SKIDA1: variants seen among roughly 807,000 people sequenced by gnomAD.
SKIDA1 encodes the protein SKI/DACH domain containing 1, also known as SKI/DACH domain-containing protein 1.
Under a neutral mutation model 51.4 loss-of-function variants are expected in SKIDA1, and 18 were observed. The ratio of observed to expected loss-of-function variants is 0.35; its 90% CI spans 0.24 to 0.52. The LOEUF is 0.52. SKIDA1 is among the 20% of genes least tolerant of loss of function. The pLI is 0.95. For missense variants in SKIDA1, 1,104 were observed against 1,180.6 expected (o/e 0.94, Z 0.95); for synonymous variants, 579 against 500.5 (o/e 1.16, Z -2.09).
chr10:21,524,401 AT>A (rs1189267913), intron 1 of SKIDA1, among the ~76,000 whole-genome samples: 1 of 152,068 alleles, frequency 6.6e-6, no homozygotes, highest in Non-Finnish European at 1.5e-5. Flanking sequence ...CATATCTATT[AT>A]TTCTTGGCAA....
intron 1 of SKIDA1, among the ~76,000 whole-genome samples, chr10:21,524,519 C>T (rs2032573657): frequency 7.0e-6 from 1 of 141,846 alleles, no homozygotes; most frequent in Non-Finnish European, 1.5e-5. Context: ...GTTTAGAGCT[C>T]CAATACCCTC....
chr10:21,520,819 C>T (rs553100960), intron 3 of SKIDA1, among the ~76,000 whole-genome samples: 1 of 151,548 alleles, frequency 6.6e-6, no homozygotes, highest in Non-Finnish European at 1.5e-5. Context: ...TAACTAAGGG[C>T]ATAATCTGTT....
chr10:21,522,825 C>A (rs2032448008), intron 2 of SKIDA1, among the ~76,000 whole-genome samples: 2 of 152,170 alleles, frequency 1.3e-5, no homozygotes, highest in South Asian at 2.1e-4. Flanking sequence ...AATGCAGTGA[C>A]CTTCTACCCT....
rs768841628 is a variant in SKIDA1, at chr10:21,515,902, AATG to A, written c.1918_1920del (p.His640del). The A allele has an allele frequency of 1.2e-5, 19 of 1,614,014 alleles. No individual in the cohort carries two copies. The East Asian group carries it at 4.0e-4, about 34-fold the overall frequency. ...GGCAAATCCGTAGCAAATTCAGGAC[AATG>A]AAGGATTTTGGAATATTTTTCTGAA... On this transcript the variant is annotated inframe_deletion, in exon 4 of 4. Transcript: ENST00000449193.
chr10:21,516,533 G>GT lies in SKIDA1; in HGVS notation c.1289_1290insA (p.Ser431GlnfsTer8). On this transcript the variant is annotated frameshift_variant, in exon 4 of 4. Coordinates refer to ENST00000449193, the MANE Select transcript of SKIDA1 (RefSeq NM_207371.4). LOFTEE classifies it high-confidence loss of function. The surrounding 1 kb of genome is among the most constrained non-coding windows in gnomAD (Gnocchi z 5.7). ...CTTCACTGGAATCCGAGGCCCCGCT[G>GT]CCCCCCTCCTCCTCCTCTTCCTCCT... 1 of 1,346,806 alleles carries GT rather than the reference G, an allele frequency of 7.4e-7. No homozygotes were observed. The highest frequency in any genetic ancestry group is 2.4e-5 in the East Asian group (1 of 40,942). 83.4% of individuals were successfully genotyped at this position (1,346,806 alleles called of 1,614,324 possible).
chr10:21,524,311 T>C (rs2032553099), intron 1 of SKIDA1, among the ~76,000 whole-genome samples: 1 of 152,202 alleles, frequency 6.6e-6, no homozygotes, highest in African/African-American at 2.4e-5. Flanking sequence ...TAAATGCCGA[T>C]ACAAACCTGC....
At position 21,518,211 on chromosome 10, in the gene SKIDA1, G is replaced by A. The variant is rs1015409551; in HGVS notation, c.-389C>T. On this transcript the variant is annotated 5_prime_UTR_variant, in exon 4 of 4. Transcript: ENST00000449193. Reference sequence around the variant, plus strand: ...TGATAATGGAATGTGAAGGGAGAAAGAGAAAAGAAATGCAGCTGCTATTCC... The same window carrying A: ...TGATAATGGAATGTGAAGGGAGAAAAAGAAAAGAAATGCAGCTGCTATTCC... 1.1e-5 allele frequency: 2 copies of A among 178,722 alleles called. No homozygotes were observed. The highest frequency in any genetic ancestry group is 4.8e-5 in the African/African-American group (2 of 41,992). 11.1% of individuals were successfully genotyped at this position (178,722 alleles called of 1,614,324 possible).
In SKIDA1 at chr10:21,516,514, T is replaced by A. The variant is rs777401308; in HGVS notation, c.1309A>T (p.Ser437Cys). 5 of 1,588,952 alleles carry A rather than the reference T, an allele frequency of 3.1e-6. No individual in the cohort carries two copies. The highest frequency in any genetic ancestry group is 4.3e-6 in the Non-Finnish European group (5 of 1,168,112). The change falls in exon 4 of 4, where the codon AGT (serine) becomes TGT (cysteine). Residue 437 changes from serine to cysteine, a missense_variant. Ser to Cys is a moderately radical substitution (Grantham distance 112). This residue lies in a region of SKIDA1 where 938 missense variants were observed against 886.4 expected (regional missense o/e 1.06). Transcript: ENST00000449193. This position sits in a 1 kb window ranked among gnomAD's most constrained non-coding sequence, Gnocchi z 5.7. ...TCCTCCTCCTCCGAGCTGACTTCACTGGAATCCGAGGCCCCGCTGCCCCCC... is the reference window on the plus strand; with the variant it reads ...TCCTCCTCCTCCGAGCTGACTTCACAGGAATCCGAGGCCCCGCTGCCCCCC... The part of the protein sequence containing the change: ...EEGGSGASDS[S>C]EVSSEEEDSS...
rs745522377 is a variant in SKIDA1 at position 21,516,059 on chromosome 10, T to G, written c.1764A>C (p.Ala588=). The change falls in exon 4 of 4, where the codon GCA becomes GCC. Residue 588 remains alanine, a synonymous_variant. Transcript: ENST00000449193. The surrounding 1 kb of genome is among the most constrained non-coding windows in gnomAD (Gnocchi z 5.7). ...ASSPSPKTNN[A]FPQQRILREA... is the part of the protein sequence containing the mutation. ...CTCGGAGTATTCTTTGTTGTGGAAA[T>G]GCATTGTTTGTCTTTGGGCTAGGTG... 3.1e-6 allele frequency: 5 copies of G among 1,614,074 alleles called. No homozygotes were observed. The South Asian group carries it at 5.5e-5, about 18-fold the overall frequency.
Position 21,515,919 on chromosome 10 carries a change from T to C in SKIDA1, c.1904A>G (p.Tyr635Cys). 1.2e-6 allele frequency: 2 copies of C among 1,614,048 alleles called. No homozygotes were observed. The highest frequency in any genetic ancestry group is 1.7e-6 in the Non-Finnish European group (2 of 1,179,890). The stretch of plus-strand genomic sequence containing the variant: ...TTCAGGACAATGAAGGATTTTGGAA[T>C]ATTTTTCTGAATTTGCTTCTGCTCC... The part of the protein sequence containing the change: ...SSGAEANSEK[Y>C]SKILHCPEFA... Residue 635 changes from tyrosine to cysteine, a missense_variant, in exon 4 of 4, where the codon TAT becomes TGT. By Grantham distance (194) the Tyr-to-Cys change is radical. Transcript: ENST00000449193.
chr10:21,521,058 G>GCACACA (rs139184900), intron 3 of SKIDA1, among the ~76,000 whole-genome samples: 9,335 of 146,658 alleles, frequency 0.064, 283 homozygotes, highest in African/African-American at 0.069. Context: ...ATGAGTGCAT[G>GCACACA]CACACACACA....
At position 21,515,144 on chromosome 10, in the gene SKIDA1, A is replaced by G. The variant is rs1267088227; in HGVS notation, c.2679T>C (p.Ser893=). The G allele has an allele frequency of 6.2e-7, 1 of 1,613,494 alleles. No homozygotes were observed. Among genetic ancestry groups the G allele is most frequent in the African/African-American group, 1.3e-5 (1 of 74,996 alleles). Reference sequence around the variant, plus strand: ...TGTGACTAGGTGGAAGAGGTATTGCAGAACCGCCCAGCTGCCATTTCCATA... The same window carrying G: ...TGTGACTAGGTGGAAGAGGTATTGCGGAACCGCCCAGCTGCCATTTCCATA... ...HPIWKWQLGG[S]AIPLPPSHKF... The change falls in exon 4 of 4, where the codon TCT becomes TCC. Residue 893 remains serine, a synonymous_variant. Transcript: ENST00000449193.
chr10:21,518,004 G>A lies in SKIDA1; in HGVS notation c.-182C>T. ...CAAACTCTAGGCGAAATTATTGGGG[G>A]GGGGGAAACCCCATGAAATTACACT... On this transcript the variant is annotated 5_prime_UTR_variant, in exon 4 of 4. Transcript: ENST00000449193. 1.8e-6 allele frequency: 1 copy of A among 561,808 alleles called. No individual in the cohort carries two copies. The highest frequency in any genetic ancestry group is 3.5e-5 in the Admixed American group (1 of 28,462). The allele number at this position is 561,808 out of a possible 1,614,324, so 34.8% of individuals were successfully genotyped here. A position where few individuals can be genotyped will look rare whatever the true frequency, so the allele number is the denominator to read the frequency against.
Position 21,517,669 on chromosome 10 carries a change from G to A in SKIDA1, c.154C>T (p.Leu52=). The change falls in exon 4 of 4, where the codon CTG becomes TTG. Residue 52 remains leucine (L), a synonymous_variant. Transcript: ENST00000449193. The surrounding 1 kb of genome is among the most constrained non-coding windows in gnomAD (Gnocchi z 6.9). ...RTTVHKRMDH[L]KVKKHHCDLE... ...TCGCAGTGGTGCTTCTTCACTTTCA[G>A]ATGATCCATGCGCTTGTGCACGGTC... 3 of 1,614,040 alleles carry A rather than the reference G, an allele frequency of 1.9e-6. No homozygotes were observed. The highest frequency in any genetic ancestry group is 1.7e-6 in the Non-Finnish European group (2 of 1,179,902).
Position 21,517,908 on chromosome 10 carries a change from G to A in SKIDA1, c.-86C>T. The A allele has an allele frequency of 8.2e-7, 1 of 1,218,090 alleles. No individual in the cohort carries two copies. Among genetic ancestry groups the A allele is most frequent in the Non-Finnish European group, 1.1e-6 (1 of 899,842 alleles). The allele number at this position is 1,218,090 out of a possible 1,614,324, so 75.5% of individuals were successfully genotyped here. On this transcript the variant is annotated 5_prime_UTR_variant, in exon 4 of 4. Coordinates refer to ENST00000449193, the MANE Select transcript of SKIDA1 (RefSeq NM_207371.4). This position sits in a 1 kb window ranked among gnomAD's most constrained non-coding sequence, Gnocchi z 6.9. ...ATGTATGTATGTTAATCCTCAGCCAGATGCTGCGTGTGTCTCAAGGCATCC... is the reference window on the plus strand; with the variant it reads ...ATGTATGTATGTTAATCCTCAGCCAAATGCTGCGTGTGTCTCAAGGCATCC...
rs750470861 is a variant in SKIDA1 at position 21,515,177 on chromosome 10, G to C, written c.2646C>G (p.Ala882=). The change falls in exon 4 of 4, where the codon GCC becomes GCG. Residue 882 remains alanine, a synonymous_variant. Coordinates refer to ENST00000449193, the MANE Select transcript of SKIDA1 (RefSeq NM_207371.4). ...TTKDSQTPHK[A]HPIWKWQLGG... The stretch of plus-strand genomic sequence containing the variant: ...CCAGCTGCCATTTCCATATAGGATG[G>C]GCCTTGTGAGGAGTTTGAGAATCCT... 6.2e-7 allele frequency: 1 copy of C among 1,613,908 alleles called. No homozygotes were observed. Among genetic ancestry groups the C allele is most frequent in the South Asian group, 1.1e-5 (1 of 91,080 alleles).
In SKIDA1 at chr10:21,517,376, C is replaced by T; in HGVS notation, c.447G>A (p.Leu149=). The T allele has an allele frequency of 7.1e-7, 1 of 1,409,264 alleles. No individual in the cohort carries two copies. The highest frequency in any genetic ancestry group is 3.0e-5 in the East Asian group (1 of 33,482). 87.3% of individuals were successfully genotyped at this position (1,409,264 alleles called of 1,614,324 possible). A position where few individuals can be genotyped will look rare whatever the true frequency, so the allele number is the denominator to read the frequency against. Residue 149 remains leucine (L), a synonymous_variant, in exon 4 of 4, where the codon CTG becomes CTA. Coordinates refer to ENST00000449193, the MANE Select transcript of SKIDA1 (RefSeq NM_207371.4). The surrounding 1 kb of genome is among the most constrained non-coding windows in gnomAD (Gnocchi z 6.9). ...GGCGCTGGGACTGCGCGCTGATTGG[C>T]AGGGGCCGCGCGGCTCCGCTCAGGC... is the stretch of plus-strand genomic sequence containing the variant. ...WRGLSGAARP[L]PISAQSQRPG... is the part of the protein sequence containing the mutation.
In SKIDA1 at chr10:21,518,616, C is replaced by T. The variant is rs1229876278; in HGVS notation, c.-794G>A. 6.0e-6 allele frequency: 1 copy of T among 166,488 alleles called. No individual in the cohort carries two copies. Among genetic ancestry groups the T allele is most frequent in the East Asian group, 1.9e-4 (1 of 5,186 alleles). 10.3% of individuals were successfully genotyped at this position (166,488 alleles called of 1,614,324 possible). On this transcript the variant is annotated 5_prime_UTR_variant, in exon 4 of 4. Transcript: ENST00000449193. ...TTTTTTTCGTTTATTTGCATTTTAC[C>T]GATACAGCTATTATCATTTCAAAGA...
Position 21,515,179 on chromosome 10 carries a change from C to G in SKIDA1, c.2644G>C (p.Ala882Pro). The G allele has an allele frequency of 6.2e-7, 1 of 1,613,816 alleles. No individual in the cohort carries two copies. Among genetic ancestry groups the G allele is most frequent in the Non-Finnish European group, 8.5e-7 (1 of 1,179,854 alleles). The change falls in exon 4 of 4, where the codon GCC (alanine) becomes CCC (proline). Residue 882 changes from alanine (A) to proline (P), a missense_variant. Physicochemically the swap from Ala to Pro is conservative, Grantham distance 27. Coordinates refer to ENST00000449193, the MANE Select transcript of SKIDA1 (RefSeq NM_207371.4). ...AGCTGCCATTTCCATATAGGATGGGCCTTGTGAGGAGTTTGAGAATCCTTA... is the reference window on the plus strand; with the variant it reads ...AGCTGCCATTTCCATATAGGATGGGGCTTGTGAGGAGTTTGAGAATCCTTA... ...TTKDSQTPHKAHPIWKWQLGG... is the reference protein window; with the variant it reads ...TTKDSQTPHKPHPIWKWQLGG...
Sources: gnomAD v4.1 joint callset for allele counts (sites outside exome capture counted in the v4.1 genomes callset) on GRCh38, gnomAD v4.1.1 for gene constraint, gnomAD v4.1.1 regional missense constraint, Gnocchi (gnomAD v3.1) non-coding constraint, MANE v1.5 for transcripts, NCBI Gene and HGNC (gene_info 2026-07-23, HGNC 2026-07-21) for gene names.